Variants in LRRC4C observed in about 807,000 individuals in gnomAD.
LRRC4C encodes the protein leucine rich repeat containing 4C, also known as leucine-rich repeat-containing protein 4C.
Under a neutral mutation model 33.6 loss-of-function variants are expected in LRRC4C, and 5 were observed. The observed-to-expected ratio is 0.15, with a 90% confidence interval of 0.08 to 0.31. LRRC4C has a LOEUF of 0.31. Among genes scored for constraint, LRRC4C ranks in the 10% least tolerant of loss-of-function variants. The probability of loss-of-function intolerance (pLI) is 1.00; values close to 1 mark genes in which losing one functional copy is unlikely to be tolerated. For synonymous variants in LRRC4C, 329 were observed against 302.0 expected, an observed-to-expected ratio of 1.09 and a Z score of -0.93; for missense variants, 560 against 796.7, an observed-to-expected ratio of 0.70 and a Z score of 3.58.
chr11:40,822,072 G>A (rs1951951246), intron 2 of LRRC4C, among the ~76,000 whole-genome samples: 1 of 151,438 alleles, frequency 6.6e-6, no homozygotes, highest in Admixed American at 6.6e-5. Context: ...TGTTAATTAT[G>A]TTTACCCTAC....
intron 5 of LRRC4C, among the ~76,000 whole-genome samples, chr11:40,186,869 G>T (rs1861442947): frequency 6.6e-6 from 1 of 152,144 alleles, no homozygotes; most frequent in Admixed American, 6.5e-5. Context: ...TCTCACCCCT[G>T]TGCACCCTAC....
chr11:40,831,368 A>G (rs1157031808), intron 2 of LRRC4C, among the ~76,000 whole-genome samples: 9 of 152,142 alleles, frequency 5.9e-5, no homozygotes, highest in Non-Finnish European at 1.5e-5. Flanking sequence ...TGATGTTTTG[A>G]AATAGACCCA....
intron 1 of LRRC4C, among the ~76,000 whole-genome samples, chr11:41,024,604 C>G (rs1372906495): frequency 6.6e-6 from 1 of 151,626 alleles, no homozygotes; most frequent in African/African-American, 2.4e-5. Context: ...CCTCAGCAAC[C>G]TTATGTCTTA....
At chr11:41,258,906 G>T (rs1948887695) in intron 1 of LRRC4C, among the ~76,000 whole-genome samples, 1 of 151,940 alleles carries the variant, frequency 6.6e-6, no homozygotes, top group Admixed American at 6.6e-5. Flanking sequence ...ACTGTTTCTA[G>T]TACAAATAAT....
intron 2 of LRRC4C, among the ~76,000 whole-genome samples, chr11:40,833,573 C>G (rs1329962614): frequency 6.6e-6 from 1 of 151,896 alleles, no homozygotes; most frequent in Non-Finnish European, 1.5e-5. Flanking sequence ...ACCCAAGGAC[C>G]ACATGTGACT....
intron 1 of LRRC4C, among the ~76,000 whole-genome samples, chr11:41,388,484 G>A (rs1953451365): frequency 6.6e-6 from 1 of 151,866 alleles, no homozygotes; most frequent in South Asian, 2.1e-4. Flanking sequence ...GACAAACACT[G>A]TGCTAAAAGT....
At chr11:40,899,098 GA>G (rs374704933) in intron 2 of LRRC4C, among the ~76,000 whole-genome samples, 16 of 149,132 alleles carry the variant, frequency 1.1e-4, no homozygotes, top group Admixed American at 2.7e-4. Context: ...TGGTCATTTT[GA>G]AAAAAAAAAA....
chr11:40,784,531 G>C (rs890109985), intron 2 of LRRC4C, among the ~76,000 whole-genome samples: 2 of 152,134 alleles, frequency 1.3e-5, no homozygotes, highest in African/African-American at 4.8e-5. Flanking sequence ...TAACATTTTT[G>C]AACACAACTT....
chr11:40,988,841 C>T (rs1392854433), intron 1 of LRRC4C, among the ~76,000 whole-genome samples: 2 of 151,254 alleles, frequency 1.3e-5, no homozygotes, highest in Non-Finnish European at 2.9e-5. Flanking sequence ...CTCAGCCTCC[C>T]GAGTAGCTGG....
chr11:40,407,945 C>A (rs1590639891), intron 3 of LRRC4C, among the ~76,000 whole-genome samples: 1 of 152,002 alleles, frequency 6.6e-6, no homozygotes, highest in Non-Finnish European at 1.5e-5. Flanking sequence ...TAATTATCAA[C>A]TTATTTCCAA....
At chr11:40,302,886 G>T (rs965967169) in intron 4 of LRRC4C, among the ~76,000 whole-genome samples, 1 of 152,144 alleles carries the variant, frequency 6.6e-6, no homozygotes, top group Non-Finnish European at 1.5e-5. Flanking sequence ...ACCTCAGTCT[G>T]AATCTGACAT....
intron 2 of LRRC4C, among the ~76,000 whole-genome samples, chr11:40,779,334 A>G (rs1051230553): frequency 1.3e-5 from 2 of 152,214 alleles, no homozygotes; most frequent in African/African-American, 4.8e-5. Flanking sequence ...TTCTGGAGGC[A>G]TACATCCCAG....
chr11:41,218,685 A>C (rs11036294), intron 1 of LRRC4C, among the ~76,000 whole-genome samples: 5,496 of 152,186 alleles, frequency 0.036, 143 homozygotes, highest in African/African-American at 0.065. Flanking sequence ...TTAAAGAATA[A>C]TAATAGATTC....
At chr11:40,742,294 G>A (rs1344303371) in intron 2 of LRRC4C, among the ~76,000 whole-genome samples, 1 of 151,986 alleles carries the variant, frequency 6.6e-6, no homozygotes, top group Non-Finnish European at 1.5e-5. Flanking sequence ...AACAGGATTA[G>A]TTCTTCTTGT....
intron 1 of LRRC4C, among the ~76,000 whole-genome samples, chr11:41,136,425 T>C (rs1283240018): frequency 6.6e-6 from 1 of 152,052 alleles, no homozygotes; most frequent in Non-Finnish European, 1.5e-5. Context: ...ATGCTGGAAA[T>C]ACAACTAGAG....
rs114333629 is a variant in LRRC4C, at chr11:41,004,831, C to T, written c.-495-71108G>A. ...ATTAAATGTATGAATTTTGAAGCCC[C>T]GGAGGTATACACTACCAATGGCTCT... On this transcript the variant is annotated intron_variant, in intron 1 of 6. Coordinates refer to ENST00000528697, the MANE Select transcript of LRRC4C (RefSeq NM_001258419.2). Among the ~76,000 whole-genome samples the T allele has an allele frequency of 2.2e-3, 336 of 152,102 alleles. 2 individuals are homozygous for T. Among genetic ancestry groups the T allele is most frequent in the African/African-American group, 7.9e-3 (327 of 41,498 alleles).
At chr11:41,002,464 G>A (rs1190260045) in intron 1 of LRRC4C, among the ~76,000 whole-genome samples, 1 of 152,086 alleles carries the variant, frequency 6.6e-6, no homozygotes, top group Non-Finnish European at 1.5e-5. Flanking sequence ...TCTAAGAAGA[G>A]GCTGTGTTTC....
At chr11:40,328,839 C>T (rs1454117888) in intron 3 of LRRC4C, among the ~76,000 whole-genome samples, 3 of 152,186 alleles carry the variant, frequency 2.0e-5, no homozygotes, top group Admixed American at 2.0e-4. Flanking sequence ...TCCATTTAGA[C>T]AATTCATAAA....
rs554292222 is a variant in LRRC4C at position 40,738,386 on chromosome 11, T to C, written c.-406-90108A>G. 6.6e-5 allele frequency among the ~76,000 whole-genome samples: 10 copies of C among 152,104 alleles called. No homozygotes were observed. In the South Asian group the frequency reaches 1.9e-3, roughly 28 times the overall value. ...CACATGAGCCAATTCTCCAAATAAATCTCCTTTCATATATTTCTATCTCTT... is the reference window on the plus strand; with the variant it reads ...CACATGAGCCAATTCTCCAAATAAACCTCCTTTCATATATTTCTATCTCTT... On this transcript the variant is annotated intron_variant, in intron 2 of 6. Coordinates refer to ENST00000528697, the MANE Select transcript of LRRC4C (RefSeq NM_001258419.2).
Sources: gnomAD v4.1 joint callset for allele counts (sites outside exome capture counted in the v4.1 genomes callset) on GRCh38, gnomAD v4.1.1 for gene constraint, MANE v1.5 for transcripts, NCBI Gene and HGNC (gene_info 2026-07-23, HGNC 2026-07-21) for gene names.